RNF217: variants seen among roughly 807,000 people sequenced by gnomAD.
RNF217 encodes ring finger protein 217.
A neutral mutation model predicts 57.8 loss-of-function variants in RNF217; 31 were observed. The observed-to-expected ratio is 0.54, with a 90% confidence interval of 0.40 to 0.72. The LOEUF is 0.72. Among genes scored for constraint, RNF217 ranks in the 30% least tolerant of loss-of-function variants. The pLI is 0.00. For synonymous variants in RNF217, 313 were observed against 294.0 expected, an observed-to-expected ratio of 1.06 and a Z score of -0.66; for missense variants, 696 against 708.3, an observed-to-expected ratio of 0.98 and a Z score of 0.20.
intron 1 of RNF217, among the ~76,000 whole-genome samples, chr6:125,022,225 A>G (rs982501909): frequency 6.6e-6 from 1 of 152,174 alleles, no homozygotes; most frequent in Non-Finnish European, 1.5e-5. Flanking sequence ...CAGCAGATCT[A>G]TTTGGTTTAT....
intron 3 of RNF217, among the ~76,000 whole-genome samples, chr6:125,061,170 G>A (rs1020632854): frequency 6.6e-6 from 1 of 151,420 alleles, no homozygotes; most frequent in Non-Finnish European, 1.5e-5. Flanking sequence ...TTATACCTTT[G>A]AAAGCATATA....
At chr6:124,969,679 C>A (rs762389816) in intron 1 of RNF217, among the ~76,000 whole-genome samples, 1 of 152,062 alleles carries the variant, frequency 6.6e-6, no homozygotes, top group East Asian at 1.9e-4. Flanking sequence ...CTGTTTTAGG[C>A]TCTGGGGATA....
intron 3 of RNF217, among the ~76,000 whole-genome samples, chr6:125,067,944 A>G (rs1461381657): frequency 6.6e-6 from 1 of 152,206 alleles, no homozygotes; most frequent in Non-Finnish European, 1.5e-5. Context: ...CTGAAGCAAT[A>G]GTGTATCAAA....
At chr6:125,013,248 G>C (rs897570130) in intron 1 of RNF217, among the ~76,000 whole-genome samples, 2 of 151,882 alleles carry the variant, frequency 1.3e-5, no homozygotes, top group Non-Finnish European at 1.5e-5. Flanking sequence ...TACATAACAG[G>C]ACAGGGGTGA....
chr6:125,043,146 T>C (rs1053139053), intron 1 of RNF217, among the ~76,000 whole-genome samples: 2 of 152,102 alleles, frequency 1.3e-5, no homozygotes, highest in Non-Finnish European at 2.9e-5. Context: ...TGTGGTCCAG[T>C]CTGCTGTTCA....
rs524864 is a variant in RNF217, at chr6:125,082,777, C to T, written c.1556-87C>T. The T allele has an allele frequency of 9.8e-3, 11,315 of 1,158,008 alleles. 736 individuals carry two copies. The African/African-American group carries it at 0.15, about 15-fold the overall frequency. 71.7% of individuals were successfully genotyped at this position (1,158,008 alleles called of 1,614,324 possible). On this transcript the variant is annotated intron_variant, in intron 5 of 5. Coordinates refer to ENST00000521654, the MANE Select transcript of RNF217 (RefSeq NM_001286398.3). ...GTCTTCTTCTTTGTATGTTCGTACA[C>T]TGCAAATAAATAAACATAGACATTT... is the stretch of plus-strand genomic sequence containing the variant.
intron 4 of RNF217, among the ~76,000 whole-genome samples, chr6:125,078,720 G>A (rs368695883): frequency 3.3e-5 from 5 of 152,192 alleles, no homozygotes; most frequent in South Asian, 4.1e-4. Flanking sequence ...GTGTGTGCAG[G>A]CGCATGTGTG....
At chr6:124,997,104 G>A (rs762698040) in intron 1 of RNF217, among the ~76,000 whole-genome samples, 7 of 152,090 alleles carry the variant, frequency 4.6e-5, no homozygotes, top group Non-Finnish European at 8.8e-5. Flanking sequence ...TTCTGTTTTG[G>A]TCCGGTGTGT....
intron 3 of RNF217, among the ~76,000 whole-genome samples, chr6:125,058,508 T>C (rs1241299966): frequency 2.0e-5 from 3 of 152,326 alleles, no homozygotes; most frequent in African/African-American, 2.4e-5. Flanking sequence ...TGCTTTTCTT[T>C]CCTTGCTGAC....
chr6:125,057,915 A>T, intron 2 of RNF217, 27 bp from the exon 3 acceptor site: 2 of 1,572,270 alleles, frequency 1.3e-6, no homozygotes, highest in Non-Finnish European at 1.7e-6. Flanking sequence ...ATCCACTAGT[A>T]ATTAATATGA....
At position 124,991,864 on chromosome 6, in the gene RNF217, G is replaced by C. The variant is rs929105796; in HGVS notation, c.882+28438G>C. Among the ~76,000 whole-genome samples the C allele has an allele frequency of 9.2e-5, 14 of 152,170 alleles. No homozygotes were observed. In the East Asian group the frequency reaches 2.7e-3, roughly 29 times the overall value. On this transcript the variant is annotated intron_variant, in intron 1 of 5. Transcript: ENST00000521654. The stretch of plus-strand genomic sequence containing the variant: ...CTTTTAAGGGCTCTTGTGTTCAGTG[G>C]CTGCTGTATTTGACCACTCAGGTAT...
intron 1 of RNF217, among the ~76,000 whole-genome samples, chr6:125,027,196 GTTA>G (rs1786134401): frequency 6.6e-6 from 1 of 152,048 alleles, no homozygotes; most frequent in South Asian, 2.1e-4. Context: ...ACACAATTAA[GTTA>G]TTATTGACTG....
intron 1 of RNF217, among the ~76,000 whole-genome samples, chr6:125,034,027 C>A (rs1160527649): frequency 3.3e-5 from 5 of 151,912 alleles, no homozygotes; most frequent in African/African-American, 1.2e-4. Context: ...CCTTTGCCCA[C>A]TTTTTGATGG....
chr6:125,069,220 T>G (rs1788046652), intron 3 of RNF217, among the ~76,000 whole-genome samples: 2 of 152,170 alleles, frequency 1.3e-5, no homozygotes, highest in Admixed American at 1.3e-4. Flanking sequence ...GCTATCAGAG[T>G]GTTGGCCTTA....
At chr6:124,974,809 G>GT (rs1783900048) in intron 1 of RNF217, among the ~76,000 whole-genome samples, 1 of 152,192 alleles carries the variant, frequency 6.6e-6, no homozygotes, top group Non-Finnish European at 1.5e-5. Context: ...TGGTATTCTA[G>GT]TTTGTGTGGG....
At chr6:124,995,832 G>A (rs1682091562) in intron 1 of RNF217, among the ~76,000 whole-genome samples, 1 of 152,160 alleles carries the variant, frequency 6.6e-6, no homozygotes, top group South Asian at 2.1e-4. Context: ...TGAGCTAGGA[G>A]AATCATGTGA....
intron 1 of RNF217, among the ~76,000 whole-genome samples, chr6:125,032,340 A>T (rs74941739): frequency 6.6e-6 from 1 of 152,200 alleles, no homozygotes; most frequent in Non-Finnish European, 1.5e-5. Flanking sequence ...TTTGATAGGT[A>T]GAACTCCATA....
chr6:125,047,799 A>T (rs1787152955), intron 2 of RNF217, among the ~76,000 whole-genome samples: 1 of 152,114 alleles, frequency 6.6e-6, no homozygotes, highest in South Asian at 2.1e-4. Flanking sequence ...ATAAATGTTG[A>T]TTATGAAGCA....
chr6:125,049,232 T>TA (rs1413436114), intron 2 of RNF217, among the ~76,000 whole-genome samples: 1 of 152,064 alleles, frequency 6.6e-6, no homozygotes, highest in African/African-American at 2.4e-5. Context: ...TGCCTGGAGA[T>TA]AGACACATCA....
Sources: gnomAD v4.1 joint callset for allele counts (sites outside exome capture counted in the v4.1 genomes callset) on GRCh38, gnomAD v4.1.1 for gene constraint, MANE v1.5 for transcripts, NCBI Gene and HGNC (gene_info 2026-07-23, HGNC 2026-07-21) for gene names.